The following ACYP2 variants were observed in gnomAD, a reference collection of about 807,000 sequenced individuals.
ACYP2 encodes the protein acylphosphatase-2.
A neutral mutation model predicts 11.2 loss-of-function variants in ACYP2; 12 were observed. The ratio of observed to expected loss-of-function variants is 1.08; its 90% CI spans 0.69 to 1.74. ACYP2 has a LOEUF of 1.74. Ranked by LOEUF, ACYP2 falls within the 40% of genes most tolerant of loss-of-function variation. The probability of loss-of-function intolerance (pLI) is 0.00; values close to 1 mark genes in which losing one functional copy is unlikely to be tolerated. For missense variants in ACYP2, 134 were observed against 101.9 expected (o/e 1.31, Z -1.35); for synonymous variants, 43 against 32.2 (o/e 1.33, Z -1.13).
At chr2:54,135,557 T>C in intron 5 of ACYP2, 88 bp downstream of exon 2, 3 of 1,067,278 alleles carry the variant, frequency 2.8e-6, no homozygotes, top group African/African-American at 1.6e-5. Flanking sequence ...TACTTGGCGC[T>C]AGTCTACTGT....
At chr2:54,073,342 T>C (rs1200937821) in intron 4 of ACYP2, among the ~76,000 whole-genome samples, 1 of 151,252 alleles carries the variant, frequency 6.6e-6, no homozygotes, top group Non-Finnish European at 1.5e-5. Flanking sequence ...GCCTGGGCAA[T>C]GTAGGGAGAC....
rs542961723 is a variant in ACYP2, at chr2:53,998,113, CAACTT to C, written c.62+24304_62+24308del. ...TCTGTGATCATAAAAGGATTTAAAA[CAACTT>C]GACCAGAATTTGGGGCCTTAGAAGA... On this transcript the variant is annotated intron_variant, in intron 2 of 6. Coordinates refer to ENST00000607452, the MANE Select transcript of ACYP2 (RefSeq NM_001320586.2). Among the ~76,000 whole-genome samples the C allele has an allele frequency of 4.7e-3, 719 of 152,284 alleles. 1 individual carries two copies. The highest frequency in any genetic ancestry group is 0.01 in the Middle Eastern group (3 of 294).
At chr2:53,990,103 G>A (rs892462717) in intron 2 of ACYP2, among the ~76,000 whole-genome samples, 14 of 150,386 alleles carry the variant, frequency 9.3e-5, no homozygotes, top group South Asian at 2.1e-4. Flanking sequence ...CTCAGCCTCC[G>A]GAGTAGCTGG....
At chr2:53,972,476 G>A (rs1418201181) in intron 1 of ACYP2, among the ~76,000 whole-genome samples, 2 of 151,902 alleles carry the variant, frequency 1.3e-5, no homozygotes, top group Admixed American at 6.6e-5. Context: ...GCATGGTGGC[G>A]GGCGCCTGTA....
intron 6 of ACYP2, among the ~76,000 whole-genome samples, chr2:54,177,224 C>T (rs2103860781): frequency 6.6e-6 from 1 of 152,244 alleles, no homozygotes; most frequent in Middle Eastern, 3.4e-3. Context: ...CAGTTGAATG[C>T]TGCCAGTGGA....
intron 2 of ACYP2, among the ~76,000 whole-genome samples, chr2:54,018,682 A>G (rs1673828034): frequency 6.6e-6 from 1 of 152,176 alleles, no homozygotes; most frequent in Non-Finnish European, 1.5e-5. Flanking sequence ...AATACAAAAT[A>G]GAACTTCTTA....
At chr2:54,097,111 T>C (rs1257803583) in intron 4 of ACYP2, among the ~76,000 whole-genome samples, 1 of 152,222 alleles carries the variant, frequency 6.6e-6, no homozygotes, top group Non-Finnish European at 1.5e-5. Flanking sequence ...ATAATATCTT[T>C]CACCTCCTCC....
intron 2 of ACYP2, among the ~76,000 whole-genome samples, chr2:54,049,517 C>CT (rs1383696655): frequency 6.6e-6 from 1 of 152,116 alleles, no homozygotes; most frequent in East Asian, 1.9e-4. Context: ...ACTTTACATT[C>CT]TTTTTGTGTT....
chr2:54,164,594 T>G (rs2103836274), intron 6 of ACYP2, among the ~76,000 whole-genome samples: 1 of 152,314 alleles, frequency 6.6e-6, no homozygotes, highest in South Asian at 2.1e-4. Flanking sequence ...AACAGATTAA[T>G]GAGAAGTTAA....
chr2:54,277,677 TA>T (rs143521400), intron 6 of ACYP2, among the ~76,000 whole-genome samples: 2,576 of 147,582 alleles, frequency 0.017, 78 homozygotes, highest in African/African-American at 0.059. Context: ...GACTCCGTCT[TA>T]AAAAAAAAAA....
rs529365301 is a variant in ACYP2 at position 54,175,578 on chromosome 2, T to C, written c.404+36830T>C. Among the ~76,000 whole-genome samples the C allele has an allele frequency of 4.9e-4, 74 of 152,288 alleles. 2 individuals are homozygous for C. In the South Asian group the frequency reaches 0.015, roughly 31 times the overall value. ...TTATTTCTTGCCTTCTCCTAGTTTT[T>C]GAATTTGTTAGCTCTTGCTTCTCTA... On this transcript the variant is annotated intron_variant, in intron 6 of 6. Transcript: ENST00000607452.
intron 6 of ACYP2, among the ~76,000 whole-genome samples, chr2:54,230,652 C>T (rs1451972962): frequency 1.3e-5 from 2 of 151,820 alleles, no homozygotes; most frequent in Non-Finnish European, 2.9e-5. Flanking sequence ...AGGCATGAGC[C>T]ACTGTGCCTG....
chr2:54,187,874 G>C (rs1357839711), intron 6 of ACYP2, among the ~76,000 whole-genome samples: 1 of 152,160 alleles, frequency 6.6e-6, no homozygotes, highest in East Asian at 1.9e-4. Flanking sequence ...AGTTTAGGTG[G>C]GATCCTCACT....
chr2:54,201,636 C>CTTTCTTTCTCTCTTTCTTTCTT (rs59874821), intron 6 of ACYP2, among the ~76,000 whole-genome samples: 2 of 93,662 alleles, frequency 2.1e-5, no homozygotes, highest in Non-Finnish European at 4.3e-5. Flanking sequence ...TTCTTTCTTT[C>CTTTCTTTCTCTCTTTCTTTCTT]TCTTTCTTTC....
intron 6 of ACYP2, among the ~76,000 whole-genome samples, chr2:54,150,739 C>CTTTT (rs11295809): frequency 1.0e-4 from 14 of 137,398 alleles, no homozygotes; most frequent in South Asian, 2.2e-4. Flanking sequence ...GCGTTTCTTT[C>CTTTT]TTTTTTTTTT....
At chr2:54,028,807 G>C (rs916746492) in intron 2 of ACYP2, among the ~76,000 whole-genome samples, 6 of 152,130 alleles carry the variant, frequency 3.9e-5, no homozygotes, top group African/African-American at 1.4e-4. Flanking sequence ...TCATTGCATA[G>C]TTGGGAAACG....
At chr2:54,225,358 C>T (rs1169386820) in intron 6 of ACYP2, among the ~76,000 whole-genome samples, 1 of 151,974 alleles carries the variant, frequency 6.6e-6, no homozygotes, top group Non-Finnish European at 1.5e-5. Flanking sequence ...AAATAATACA[C>T]CATATTTATA....
intron 4 of ACYP2, among the ~76,000 whole-genome samples, chr2:54,081,859 C>T (rs958909145): frequency 2.6e-5 from 4 of 152,186 alleles, no homozygotes; most frequent in African/African-American, 4.8e-5. Context: ...ATGGCCTCAC[C>T]GTCATGACTG....
intron 6 of ACYP2, among the ~76,000 whole-genome samples, chr2:54,201,607 TCTTTCTTTCTTTCTTTGTTTCTTTCTTTC>T (rs1380259773): frequency 3.2e-4 from 27 of 84,668 alleles, no homozygotes; most frequent in African/African-American, 1.2e-3. Flanking sequence ...TTTCTTTCTT[TCTTTCTTTCTTTCTTTGTTTCTTTCTTTC>T]TCTTTCTTTC....
Sources: allele counts gnomAD v4.1 joint callset (sites outside exome capture counted in the v4.1 genomes callset), GRCh38; gene constraint gnomAD v4.1.1; transcripts MANE v1.5; gene names NCBI Gene and HGNC (gene_info 2026-07-23, HGNC 2026-07-21).